WBP1L: variants seen among roughly 807,000 people sequenced by gnomAD.
The protein encoded by WBP1L is WW domain binding protein 1-like.
In WBP1L, 17 loss-of-function variants were observed where a neutral mutation model predicts 33.7. The observed-to-expected ratio is 0.50, with a 90% CI of 0.34 to 0.76. The LOEUF (loss-of-function observed/expected upper bound fraction) is 0.76. Among genes scored for constraint, WBP1L ranks in the 30% least tolerant of loss-of-function variants. The pLI is 0.01. For synonymous variants in WBP1L, 173 were observed against 190.8 expected (o/e 0.91, Z 0.77); for missense variants, 389 against 469.4 (o/e 0.83, Z 1.58).
At chr10:102,806,129 C>T (rs766364459) in intron 2 of WBP1L, among the ~76,000 whole-genome samples, 1 of 151,512 alleles carries the variant, frequency 6.6e-6, no homozygotes, top group East Asian at 1.9e-4. Context: ...ACAAGAATCA[C>T]GTGAGCCTGG....
chr10:102,787,390 C>G (rs1006225778), intron 1 of WBP1L, among the ~76,000 whole-genome samples: 3 of 152,012 alleles, frequency 2.0e-5, no homozygotes, highest in Non-Finnish European at 4.4e-5. Flanking sequence ...AGTTTGAGAC[C>G]AGCCTGAGCA....
intron 1 of WBP1L, among the ~76,000 whole-genome samples, chr10:102,781,605 C>T (rs1843337323): frequency 6.6e-6 from 1 of 152,100 alleles, no homozygotes; most frequent in East Asian, 1.9e-4. Context: ...TGTTGACTAC[C>T]AGTTGCTGTT....
chr10:102,747,385 G>A (rs1342062254), intron 1 of WBP1L, among the ~76,000 whole-genome samples: 1 of 147,734 alleles, frequency 6.8e-6, no homozygotes, highest in Non-Finnish European at 1.5e-5. Context: ...AAAAAAGAAT[G>A]AGAAAACAGT....
At chr10:102,809,324 C>T (rs571711546) in intron 2 of WBP1L, among the ~76,000 whole-genome samples, 5 of 151,684 alleles carry the variant, frequency 3.3e-5, no homozygotes, top group African/African-American at 4.8e-5. Flanking sequence ...GTGATCTGCA[C>T]GCCTCGGCCT....
chr10:102,807,325 C>T (rs911330290), intron 2 of WBP1L, among the ~76,000 whole-genome samples: 3 of 151,858 alleles, frequency 2.0e-5, no homozygotes, highest in Non-Finnish European at 4.4e-5. Context: ...TGTCTGTCAT[C>T]CAGAGTTACC....
At chr10:102,803,746 C>T (rs1354184284) in intron 2 of WBP1L, among the ~76,000 whole-genome samples, 2 of 151,822 alleles carry the variant, frequency 1.3e-5, no homozygotes, top group East Asian at 3.9e-4. Context: ...GTGGCTGGGA[C>T]TATAGGTGCC....
At position 102,813,086 on chromosome 10, in the gene WBP1L, C is replaced by T. The variant is rs1424295687; in HGVS notation, c.847C>T (p.His283Tyr). ...AGTGTGTGTGTGCAACCGGGGCCAC[C>T]ATGACGATGACCTCAAAGAGTTCAA... ...IEVCVCNRGH[H>Y]DDDLKEFNTL... Residue 283 changes from histidine to tyrosine, a missense_variant, in exon 4 of 4, where the codon CAT becomes TAT. Physicochemically the swap from His to Tyr is moderately conservative, Grantham distance 83 (BLOSUM62 2). Coordinates refer to ENST00000448841, the MANE Select transcript of WBP1L (RefSeq NM_001083913.2). 1.2e-6 allele frequency: 2 copies of T among 1,613,888 alleles called. No homozygotes were observed. The highest frequency in any genetic ancestry group is 8.5e-7 in the Non-Finnish European group (1 of 1,180,014).
At chr10:102,753,458 A>G (rs963609974) in intron 1 of WBP1L, among the ~76,000 whole-genome samples, 3 of 152,210 alleles carry the variant, frequency 2.0e-5, no homozygotes, top group Non-Finnish European at 2.9e-5. Context: ...ATCCCATCCT[A>G]TTGAATTTTA....
intron 1 of WBP1L, among the ~76,000 whole-genome samples, chr10:102,789,008 G>A (rs1229744223): frequency 1.3e-5 from 2 of 152,020 alleles, no homozygotes; most frequent in Non-Finnish European, 2.9e-5. Context: ...TGCTCAGGCT[G>A]GAGTGCAGTG....
intron 2 of WBP1L, among the ~76,000 whole-genome samples, chr10:102,802,113 CTCCT>C (rs35674135): frequency 0.01 from 688 of 67,950 alleles, 10 homozygotes; most frequent in African/African-American, 0.036. Flanking sequence ...CTTCCACCTT[CTCCT>C]TCCTTCCTTC....
intron 1 of WBP1L, among the ~76,000 whole-genome samples, chr10:102,746,550 A>G (rs1292547209): frequency 1.3e-5 from 2 of 151,888 alleles, no homozygotes; most frequent in Non-Finnish European, 2.9e-5. Flanking sequence ...GCAAGTTACT[A>G]TATAATTATT....
Position 102,813,018 on chromosome 10 carries a change from C to T in WBP1L, c.779C>T (p.Thr260Met), listed in dbSNP as rs546343191. The T allele has an allele frequency of 4.2e-5, 68 of 1,613,588 alleles. No individual in the cohort carries two copies. The highest frequency in any genetic ancestry group is 4.4e-5 in the South Asian group (4 of 91,078). ...GGCGCACCCGACAGCAAAGAGAAGACGCCTGGGAGACATCGCCGCTTCACA... is the reference window on the plus strand; with the variant it reads ...GGCGCACCCGACAGCAAAGAGAAGATGCCTGGGAGACATCGCCGCTTCACA... ...EHGAPDSKEK[T>M]PGRHRRFTGD... The change falls in exon 4 of 4, where the codon ACG (threonine) becomes ATG (methionine). Residue 260 changes from threonine (T) to methionine (M), a missense_variant. Coordinates refer to ENST00000448841, the MANE Select transcript of WBP1L (RefSeq NM_001083913.2).
intron 1 of WBP1L, among the ~76,000 whole-genome samples, chr10:102,777,561 CTTTTTTTT>C (rs35713577): frequency 3.6e-5 from 2 of 55,570 alleles, no homozygotes; most frequent in African/African-American, 1.5e-4. Context: ...AAAGGCTGTC[CTTTTTTTT>C]TTTTTTTTTT....
intron 1 of WBP1L, among the ~76,000 whole-genome samples, chr10:102,787,322 T>C (rs1363403947): frequency 6.6e-6 from 1 of 152,158 alleles, no homozygotes; most frequent in African/African-American, 2.4e-5. Flanking sequence ...GCACAGTGGC[T>C]CCCGACTGAA....
At chr10:102,750,756 C>T (rs1213107511) in intron 1 of WBP1L, among the ~76,000 whole-genome samples, 1 of 152,096 alleles carries the variant, frequency 6.6e-6, no homozygotes, top group Non-Finnish European at 1.5e-5. Context: ...CCGCCTCAGC[C>T]TCCCAAAGTT....
chr10:102,761,691 C>T (rs1843044114), intron 1 of WBP1L, among the ~76,000 whole-genome samples: 1 of 151,896 alleles, frequency 6.6e-6, no homozygotes, highest in South Asian at 2.1e-4. Context: ...TTCCTGATCT[C>T]GTGATACACC....
At chr10:102,778,981 G>T (rs1033865309) in intron 1 of WBP1L, among the ~76,000 whole-genome samples, 3 of 152,110 alleles carry the variant, frequency 2.0e-5, no homozygotes, top group Admixed American at 2.0e-4. Flanking sequence ...TTGCTCAATT[G>T]TCTAGAGAAA....
At chr10:102,794,831 C>G (rs1843552536) in intron 1 of WBP1L, among the ~76,000 whole-genome samples, 2 of 152,170 alleles carry the variant, frequency 1.3e-5, no homozygotes, top group South Asian at 4.1e-4. Context: ...TGACTGACAC[C>G]AGCATGTCTC....
intron 2 of WBP1L, among the ~76,000 whole-genome samples, chr10:102,803,501 A>G (rs546558155): frequency 6.6e-6 from 1 of 152,136 alleles, no homozygotes; most frequent in East Asian, 1.9e-4. Context: ...TGAACTCACA[A>G]TTTTCAAAAC....
Sources: gnomAD v4.1 joint callset for allele counts (sites outside exome capture counted in the v4.1 genomes callset) on GRCh38, gnomAD v4.1.1 for gene constraint, MANE v1.5 for transcripts, NCBI Gene and HGNC (gene_info 2026-07-23, HGNC 2026-07-21) for gene names.